LRP2BP: variants seen among roughly 807,000 people sequenced by gnomAD.
LRP2BP encodes the protein LRP2-binding protein.
A neutral mutation model predicts 45.2 loss-of-function variants in LRP2BP; 38 were observed. That is an observed-to-expected ratio of 0.84 (90% CI 0.65 to 1.10). The LOEUF is 1.10. Ranked by LOEUF, LRP2BP falls within the 50% of genes least tolerant of loss-of-function variation. LRP2BP has a pLI of 0.00. For missense variants in LRP2BP, 385 were observed against 418.9 expected (o/e 0.92, Z 0.71); for synonymous variants, 153 against 153.9 (o/e 0.99, Z 0.04).
intron 1 of LRP2BP, among the ~76,000 whole-genome samples, chr4:185,382,953 C>T (rs987614730): frequency 2.6e-5 from 4 of 152,146 alleles, no homozygotes; most frequent in African/African-American, 9.7e-5. Context: ...TATATTTACT[C>T]TTACATTTAG....
rs1325653813 is a variant in LRP2BP at position 185,374,446 on chromosome 4, A to C, written c.346T>G (p.Tyr116Asp). ...TTLDAEKGVD[Y>D]MKKILDSPCP... ...GGAGAATCAAGAATTTTCTTCATAT[A>C]GTCCACCCCTTTCTCCTTCGACAAA... The change falls in exon 5 of 9, where the codon TAT (tyrosine) becomes GAT (aspartate). Residue 116 changes from tyrosine (Y) to aspartate (D), a missense_variant. By Grantham distance (160) the Tyr-to-Asp change is radical. Coordinates refer to ENST00000505916, the MANE Select transcript of LRP2BP (RefSeq NM_001377440.1). 6.2e-7 allele frequency: 1 copy of C among 1,611,992 alleles called. No homozygotes were observed. The highest frequency in any genetic ancestry group is 8.5e-7 in the Non-Finnish European group (1 of 1,179,534).
chr4:185,397,269 G>A (rs768367964), upstream of LRP2BP: 2 of 1,614,064 alleles, frequency 1.2e-6, no homozygotes, highest in Non-Finnish European at 1.7e-6. Flanking sequence ...TTCTTCTCTG[G>A]CAGCTGCAAA....
At chr4:185,375,530 A>G (rs1264586019) in intron 4 of LRP2BP, 83 bp downstream of exon 4, 28 of 163,512 alleles carry the variant, frequency 1.7e-4, no homozygotes, top group Non-Finnish European at 2.4e-4. Flanking sequence ...ATATATATGT[A>G]TTAAAATATA....
intron 1 of LRP2BP, among the ~76,000 whole-genome samples, chr4:185,391,816 G>C (rs2095489084): frequency 6.6e-6 from 1 of 152,168 alleles, no homozygotes; most frequent in Non-Finnish European, 1.5e-5. Context: ...CCGGATCTGG[G>C]TACTGGGTGT....
In LRP2BP at chr4:185,388,864, TAATAA is replaced by T. The variant is rs2095479790; in HGVS notation, c.-22+5910_-22+5914del. ...AAAAAGTATAAAATGCTAATCTTAC[TAATAA>T]AATAATAATAATTATTATTTTTTTT... On this transcript the variant is annotated intron_variant, in intron 1 of 8. Coordinates refer to ENST00000505916, the MANE Select transcript of LRP2BP (RefSeq NM_001377440.1). Among the ~76,000 whole-genome samples, 3 of 146,908 alleles carry T rather than the reference TAATAA, an allele frequency of 2.0e-5. No individual in the cohort carries two copies. In the Admixed American group the frequency reaches 2.1e-4, roughly 10 times the overall value.
chr4:185,393,754 G>C (rs2095494517), intron 1 of LRP2BP, among the ~76,000 whole-genome samples: 1 of 151,848 alleles, frequency 6.6e-6, no homozygotes, highest in African/African-American at 2.4e-5. Flanking sequence ...TCAAACTGCT[G>C]ACCTCAGGCG....
intron 6 of LRP2BP, 82 bp downstream of exon 6, chr4:185,374,053 T>A: frequency 8.8e-7 from 1 of 1,131,032 alleles, no homozygotes; most frequent in Non-Finnish European, 1.3e-6. Context: ...AAAACGACAT[T>A]CCCCACCATT....
chr4:185,370,482 C>A (rs1333765039), intron 8 of LRP2BP, among the ~76,000 whole-genome samples, 158 bp downstream of exon 8: 1 of 152,134 alleles, frequency 6.6e-6, no homozygotes, highest in Non-Finnish European at 1.5e-5. Context: ...ACAGAATTGT[C>A]TGCAAACAAT....
At chr4:185,384,030 G>A (rs756444256) in intron 1 of LRP2BP, among the ~76,000 whole-genome samples, 8 of 152,136 alleles carry the variant, frequency 5.3e-5, no homozygotes, top group Admixed American at 1.3e-4. Context: ...TCCTAGTCCT[G>A]ACACAGTACC....
At chr4:185,368,795 GTTT>G (rs34691416) in intron 8 of LRP2BP, among the ~76,000 whole-genome samples, 3 of 133,074 alleles carry the variant, frequency 2.3e-5, no homozygotes, top group Non-Finnish European at 3.2e-5. Context: ...AATCTGTTTT[GTTT>G]TTTTTTTTTT....
At chr4:185,394,591 CTTTCTCTA>C (rs1055147416) in intron 1 of LRP2BP, among the ~76,000 whole-genome samples, 180 bp downstream of exon 1, 10 of 152,300 alleles carry the variant, frequency 6.6e-5, no homozygotes, top group African/African-American at 2.4e-4. Context: ...ATTTGTCGGC[CTTTCTCTA>C]TTTCACATCA....
intron 3 of LRP2BP, among the ~76,000 whole-genome samples, chr4:185,376,100 GA>G (rs2095436531): frequency 6.6e-6 from 1 of 152,132 alleles, no homozygotes; most frequent in Non-Finnish European, 1.5e-5. Flanking sequence ...CTACATTACT[GA>G]AGTTGAGGGG....
intron 1 of LRP2BP, chr4:185,378,604 G>A (rs1048329): frequency 0.2 from 200,765 of 992,950 alleles, 21,128 homozygotes; most frequent in African/African-American, 0.33. Context: ...GACACTCATC[G>A]GACGAATCCA....
intron 1 of LRP2BP, among the ~76,000 whole-genome samples, chr4:185,394,264 T>TAA (rs56883920): frequency 6.6e-5 from 8 of 121,430 alleles, no homozygotes; most frequent in Non-Finnish European, 1.2e-4. Context: ...GTTTCAGAGT[T>TAA]AAAAAAAAAA....
rs572176791 is a variant in LRP2BP, at chr4:185,372,879, T to G, written c.780A>C (p.Thr260=). ...ACCTTTTGGAAAATGCAACACACTT[T>G]GTAAAAAATTTCATCTTATAGTAAT... ...VEYYYKMKFF[T]KCVAFSKRIA... The change falls in exon 7 of 9, where the codon ACA becomes ACC. Residue 260 remains threonine (T), a synonymous_variant. Transcript: ENST00000505916. 3.1e-6 allele frequency: 5 copies of G among 1,608,604 alleles called. No homozygotes were observed. In the African/African-American group the frequency reaches 4.0e-5, roughly 13 times the overall value.
Position 185,395,349 on chromosome 4 carries a change from G to A in LRP2BP, c.-592C>T, listed in dbSNP as rs949408465. The stretch of plus-strand genomic sequence containing the variant: ...TTTATGTTCAAAACTGTAAGAACGT[G>A]TCTGATACCCTTTATTAGTTAGGAA... On this transcript the variant is annotated 5_prime_UTR_variant, in exon 1 of 9. Coordinates refer to ENST00000505916, the MANE Select transcript of LRP2BP (RefSeq NM_001377440.1). 2.0e-6 allele frequency: 2 copies of A among 985,250 alleles called. No homozygotes were observed. The highest frequency in any genetic ancestry group is 1.7e-5 in the African/African-American group (1 of 57,236). The allele number at this position is 985,250 out of a possible 1,614,324, so 61.0% of individuals were successfully genotyped here.
In LRP2BP at chr4:185,365,385, G is replaced by A. The variant is rs1011813166; in HGVS notation, c.*1795C>T. On this transcript the variant is annotated 3_prime_UTR_variant, in exon 9 of 9. Coordinates refer to ENST00000505916, the MANE Select transcript of LRP2BP (RefSeq NM_001377440.1). ...TTATTTTTTTTTGAGATGGAGTCTC[G>A]CTCTTGTCACCGAGGCTGGAGTGCA... The A allele has an allele frequency of 3.3e-5, 5 of 151,418 alleles. No individual in the cohort carries two copies. Among genetic ancestry groups the A allele is most frequent in the East Asian group, 1.9e-4 (1 of 5,164 alleles). The allele number at this position is 151,418 out of a possible 1,614,324, so 9.4% of individuals were successfully genotyped here.
At chr4:185,377,963 T>C in intron 2 of LRP2BP, 118 bp downstream of exon 2, 1 of 837,794 alleles carries the variant, frequency 1.2e-6, no homozygotes, top group African/African-American at 1.7e-5. Context: ...AAAGGACTAA[T>C]GATTAACCAC....
rs2126792323 is a variant in LRP2BP at position 185,372,929 on chromosome 4, A to G, written c.730T>C (p.Tyr244His). The change falls in exon 7 of 9, where the codon TAT (tyrosine) becomes CAT (histidine). Residue 244 changes from tyrosine to histidine, a missense_variant. Coordinates refer to ENST00000505916, the MANE Select transcript of LRP2BP (RefSeq NM_001377440.1). ...LREAAERGNVYAQGNLVEYYY... is the reference protein window; with the variant it reads ...LREAAERGNVHAQGNLVEYYY... ...TACTCCACGAGATTCCCTTGAGCATAGACGTTTCCGCGTTCTGCTGCTTCT... is the reference window on the plus strand; with the variant it reads ...TACTCCACGAGATTCCCTTGAGCATGGACGTTTCCGCGTTCTGCTGCTTCT... The G allele has an allele frequency of 6.2e-7, 1 of 1,613,964 alleles. No homozygotes were observed. The highest frequency in any genetic ancestry group is 1.6e-4 in the Middle Eastern group (1 of 6,062).
Sources: allele counts gnomAD v4.1 joint callset (sites outside exome capture counted in the v4.1 genomes callset), GRCh38; gene constraint gnomAD v4.1.1; transcripts MANE v1.5; gene names NCBI Gene and HGNC (gene_info 2026-07-23, HGNC 2026-07-21).